The following TMEM163 variants were observed in gnomAD, a reference collection of about 807,000 sequenced individuals.
The protein encoded by TMEM163 is transmembrane protein 163.
In TMEM163, 17 loss-of-function variants were observed where a neutral mutation model predicts 29.3. The observed-to-expected ratio is 0.58, with a 90% CI of 0.40 to 0.87. TMEM163 has a LOEUF of 0.87. TMEM163 is among the 40% of genes least tolerant of loss of function. The pLI, the probability that TMEM163 is intolerant of heterozygous loss-of-function variation, is 0.00. For synonymous variants in TMEM163, 157 were observed against 160.6 expected (o/e 0.98, Z 0.17); for missense variants, 303 against 381.5 (o/e 0.79, Z 1.71).
chr2:134,716,938 G>C lies in TMEM163; in HGVS notation c.202+1796C>G, dbSNP rs1685051156. 2.0e-5 allele frequency among the ~76,000 whole-genome samples: 3 copies of C among 152,218 alleles called. No individual in the cohort carries two copies. In the South Asian group the frequency reaches 6.2e-4, roughly 31 times the overall value. ...GGCGAATAGGGTTCATCCTAACAGAGAGGCTGTGTGTGATATGCCACGCTC... is the reference window on the plus strand; with the variant it reads ...GGCGAATAGGGTTCATCCTAACAGACAGGCTGTGTGTGATATGCCACGCTC... On this transcript the variant is annotated intron_variant, in intron 1 of 7. Coordinates refer to ENST00000281924, the MANE Select transcript of TMEM163 (RefSeq NM_030923.5).
intron 2 of TMEM163, among the ~76,000 whole-genome samples, chr2:134,571,200 CAGA>C (rs1357380313): frequency 1.3e-5 from 2 of 151,264 alleles, no homozygotes; most frequent in East Asian, 3.9e-4. Flanking sequence ...TTCAAAAACA[CAGA>C]AGGACACACC....
chr2:134,566,668 G>T (rs1195952443), intron 2 of TMEM163, among the ~76,000 whole-genome samples: 1 of 152,134 alleles, frequency 6.6e-6, no homozygotes, highest in Non-Finnish European at 1.5e-5. Context: ...GCTTGGAGAT[G>T]TTTATCAAAA....
At chr2:134,550,698 A>AGTTAATAG (rs750753880) in intron 3 of TMEM163, 37 bp from the exon 4 acceptor site, 108 of 1,579,764 alleles carry the variant, frequency 6.8e-5, no homozygotes, top group Non-Finnish European at 9.0e-5. Flanking sequence ...GGCTTTCCAC[A>AGTTAATAG]GTTAATAGCA....
rs765734718 is a variant in TMEM163 at position 134,498,354 on chromosome 2, C to CTT, written c.555+4545_555+4546dup. ...GATGCTTGGTGCACTTGCATGTGGG[C>CTT]TTTTTTTTTTTTTTTTTTTTTGAGA... On this transcript the variant is annotated intron_variant, in intron 5 of 7. Coordinates refer to ENST00000281924, the MANE Select transcript of TMEM163 (RefSeq NM_030923.5). 6.4e-3 allele frequency among the ~76,000 whole-genome samples: 739 copies of CTT among 115,406 alleles called. 9 individuals are homozygous for CTT. The highest frequency in any genetic ancestry group is 0.012 in the East Asian group (49 of 4,024). The allele number at this position is 115,406 out of a possible 152,430, so 75.7% of individuals were successfully genotyped here. A position where few individuals can be genotyped will look rare whatever the true frequency, so the allele number is the denominator to read the frequency against.
At chr2:134,564,396 A>C (rs1252945633) in intron 2 of TMEM163, among the ~76,000 whole-genome samples, 2 of 152,232 alleles carry the variant, frequency 1.3e-5, no homozygotes, top group Non-Finnish European at 2.9e-5. Flanking sequence ...TGAGCTGTAG[A>C]TATAAAAGTG....
intron 2 of TMEM163, among the ~76,000 whole-genome samples, chr2:134,595,962 TG>T (rs751523332): frequency 6.4e-4 from 97 of 152,356 alleles, no homozygotes; most frequent in Middle Eastern, 3.4e-3. Context: ...TTGATGGGGT[TG>T]TTTTTTTCTT....
At chr2:134,567,292 C>T (rs1188628943) in intron 2 of TMEM163, among the ~76,000 whole-genome samples, 1 of 152,144 alleles carries the variant, frequency 6.6e-6, no homozygotes. Context: ...AAAAAGAGCT[C>T]GTGCAGCGAG....
chr2:134,560,690 A>G (rs1003330822), intron 2 of TMEM163, among the ~76,000 whole-genome samples: 6 of 152,234 alleles, frequency 3.9e-5, no homozygotes, highest in South Asian at 2.1e-4. Context: ...ACAGAATAGT[A>G]TAACAGGAAA....
chr2:134,694,323 T>C (rs1237419912), intron 2 of TMEM163, among the ~76,000 whole-genome samples: 1 of 152,166 alleles, frequency 6.6e-6, no homozygotes, highest in Non-Finnish European at 1.5e-5. Flanking sequence ...CTAGAAGTAT[T>C]CAAACAAAAG....
chr2:134,706,944 G>A (rs2104896462), intron 2 of TMEM163, among the ~76,000 whole-genome samples: 1 of 152,318 alleles, frequency 6.6e-6, no homozygotes, highest in South Asian at 2.1e-4. Flanking sequence ...AGAATGCAAA[G>A]GCAGGGAGAG....
intron 2 of TMEM163, among the ~76,000 whole-genome samples, chr2:134,693,502 AG>A (rs1684517905): frequency 6.6e-6 from 1 of 151,510 alleles, no homozygotes; most frequent in South Asian, 2.1e-4. Context: ...CTGGCTACTC[AG>A]GAGGTTGAGG....
At chr2:134,606,647 T>C (rs1363976978) in intron 2 of TMEM163, among the ~76,000 whole-genome samples, 1 of 151,748 alleles carries the variant, frequency 6.6e-6, no homozygotes, top group African/African-American at 2.4e-5. Context: ...CCAGCACCTA[T>C]AGATGAACTG....
intron 4 of TMEM163, among the ~76,000 whole-genome samples, chr2:134,547,801 C>T (rs1159439033): frequency 3.3e-5 from 5 of 152,130 alleles, no homozygotes; most frequent in African/African-American, 9.7e-5. Context: ...TTTGCCTTTT[C>T]GACAATGATA....
At position 134,510,425 on chromosome 2, in the gene TMEM163, C is replaced by T. The variant is rs535124135; in HGVS notation, c.459-7428G>A. Among the ~76,000 whole-genome samples the T allele has an allele frequency of 6.6e-5, 10 of 152,096 alleles. No individual in the cohort carries two copies. The South Asian group carries it at 1.7e-3, about 25-fold the overall frequency. On this transcript the variant is annotated intron_variant, in intron 4 of 7. Coordinates refer to ENST00000281924, the MANE Select transcript of TMEM163 (RefSeq NM_030923.5). ...GATGTGATCTGGGCTTTGCAAAGAC[C>T]CTCCTGACTACAGCTGGGATTGGGA...
chr2:134,651,278 A>T (rs1683473102), intron 2 of TMEM163, among the ~76,000 whole-genome samples: 1 of 135,674 alleles, frequency 7.4e-6, no homozygotes, highest in Non-Finnish European at 1.5e-5. Flanking sequence ...TTTGATTTGC[A>T]TTTCTCTGAT....
chr2:134,686,989 T>G (rs1426133153), intron 2 of TMEM163, among the ~76,000 whole-genome samples: 3 of 152,230 alleles, frequency 2.0e-5, no homozygotes, highest in Non-Finnish European at 4.4e-5. Flanking sequence ...AGCTGATTTT[T>G]TCACAATGGG....
chr2:134,650,456 G>C (rs970079427), intron 2 of TMEM163, among the ~76,000 whole-genome samples: 5 of 151,382 alleles, frequency 3.3e-5, no homozygotes, highest in African/African-American at 1.2e-4. Context: ...CATCAATGAA[G>C]ACAGAGAATC....
chr2:134,598,631 A>G (rs1301927254), intron 2 of TMEM163, among the ~76,000 whole-genome samples: 2 of 152,166 alleles, frequency 1.3e-5, no homozygotes, highest in Non-Finnish European at 2.9e-5. Flanking sequence ...AAAGCGTTGC[A>G]GGCTGGGCGT....
chr2:134,599,025 A>G (rs1254776065), intron 2 of TMEM163, among the ~76,000 whole-genome samples: 2 of 151,390 alleles, frequency 1.3e-5, no homozygotes, highest in East Asian at 3.9e-4. Flanking sequence ...AAAAAAAAAA[A>G]AAAAAAAAAA....
Sources: allele counts gnomAD v4.1 joint callset (sites outside exome capture counted in the v4.1 genomes callset), GRCh38; gene constraint gnomAD v4.1.1; transcripts MANE v1.5; gene names NCBI Gene and HGNC (gene_info 2026-07-23, HGNC 2026-07-21).